The following ARHGAP42 variants were observed in gnomAD, a reference collection of about 807,000 sequenced individuals.
ARHGAP42 encodes the protein rho GTPase-activating protein 42.
ARHGAP42 carries 63 observed loss-of-function variants against 125.0 expected under a neutral mutation model. That is an observed-to-expected ratio of 0.50 (90% CI 0.41 to 0.62). The LOEUF (loss-of-function observed/expected upper bound fraction) is 0.62, where lower values mean the gene tolerates loss of function less well. ARHGAP42 is among the 20% of genes least tolerant of loss of function. The pLI is 0.00. For missense variants in ARHGAP42, 766 were observed against 1,024.2 expected (o/e 0.75, Z 3.44); for synonymous variants, 339 against 351.0 (o/e 0.97, Z 0.38).
chr11:100,756,517 G>A (rs1216557662), intron 1 of ARHGAP42, among the ~76,000 whole-genome samples: 2 of 152,196 alleles, frequency 1.3e-5, no homozygotes, highest in Non-Finnish European at 2.9e-5. Context: ...AAGTTTTGAA[G>A]TAAGCCAAAA....
At chr11:100,721,195 C>T (rs146715590) in intron 1 of ARHGAP42, among the ~76,000 whole-genome samples, 55 of 152,276 alleles carry the variant, frequency 3.6e-4, no homozygotes, top group Non-Finnish European at 4.1e-4. Flanking sequence ...TGTCATGTAT[C>T]TACCTTTGCA....
intron 1 of ARHGAP42, among the ~76,000 whole-genome samples, chr11:100,726,002 C>A (rs1861854856): frequency 1.4e-5 from 2 of 145,036 alleles, no homozygotes; most frequent in Admixed American, 6.9e-5. Context: ...GAAGGCTGAG[C>A]TGGGAGGAGC....
At chr11:100,835,154 A>G (rs1252258651) in intron 3 of ARHGAP42, among the ~76,000 whole-genome samples, 1 of 151,954 alleles carries the variant, frequency 6.6e-6, no homozygotes, top group Non-Finnish European at 1.5e-5. Context: ...AGGCCTTTGG[A>G]TATAAAAGGG....
intron 1 of ARHGAP42, among the ~76,000 whole-genome samples, chr11:100,760,557 C>T (rs886397376): frequency 4.6e-5 from 7 of 151,716 alleles, no homozygotes; most frequent in African/African-American, 1.5e-4. Context: ...AAAAATTAGC[C>T]GGGTGTGGTG....
chr11:100,784,517 A>T (rs943330518), intron 2 of ARHGAP42, among the ~76,000 whole-genome samples: 3 of 152,200 alleles, frequency 2.0e-5, no homozygotes, highest in African/African-American at 7.2e-5. Flanking sequence ...GTGATTGGAT[A>T]TATGGAAGGA....
rs546901157 is a variant in ARHGAP42 at position 100,789,296 on chromosome 11, T to C, written c.251-5809T>C. ...AGATTTTTAAGTTTTCCTAGAGATA[T>C]AACAACATCTAAATTCTTACTGCTG... On this transcript the variant is annotated intron_variant, in intron 2 of 23. Coordinates refer to ENST00000298815, the MANE Select transcript of ARHGAP42 (RefSeq NM_152432.4). Among the ~76,000 whole-genome samples the C allele has an allele frequency of 1.2e-4, 19 of 152,362 alleles. No individual in the cohort carries two copies. The Middle Eastern group carries it at 0.01, about 82-fold the overall frequency.
At chr11:100,847,454 A>G (rs1865098606) in intron 3 of ARHGAP42, among the ~76,000 whole-genome samples, 1 of 152,162 alleles carries the variant, frequency 6.6e-6, no homozygotes, top group South Asian at 2.1e-4. Context: ...CTTTTCTTTA[A>G]GGACCCTTGG....
At chr11:100,915,863 C>G (rs1867048124) in intron 5 of ARHGAP42, among the ~76,000 whole-genome samples, 2 of 152,114 alleles carry the variant, frequency 1.3e-5, no homozygotes, top group South Asian at 4.1e-4. Flanking sequence ...TTCCCCCCTC[C>G]CTTCGCCCCT....
At chr11:100,978,912 C>T in intron 21 of ARHGAP42, 75 bp from the exon 22 acceptor site, 5 of 1,425,708 alleles carry the variant, frequency 3.5e-6, no homozygotes, top group Non-Finnish European at 4.8e-6. Flanking sequence ...GTTTAACTGG[C>T]AATCATGAAT....
At chr11:100,905,447 A>T (rs1007425118) in intron 4 of ARHGAP42, among the ~76,000 whole-genome samples, 1 of 152,172 alleles carries the variant, frequency 6.6e-6, no homozygotes, top group African/African-American at 2.4e-5. Flanking sequence ...CACAACCACT[A>T]CTACTTCAAA....
chr11:100,921,461 C>T (rs1449402216), intron 5 of ARHGAP42, 33 bp from the exon 6 acceptor site: 2 of 1,435,644 alleles, frequency 1.4e-6, no homozygotes, highest in African/African-American at 1.4e-5. Flanking sequence ...TATGTAGAAC[C>T]ATCAGTAATC....
intron 1 of ARHGAP42, among the ~76,000 whole-genome samples, chr11:100,709,603 C>G (rs1411096913): frequency 1.3e-5 from 2 of 152,196 alleles, no homozygotes; most frequent in African/African-American, 2.4e-5. Flanking sequence ...GAAAGCAAAA[C>G]TGGATGAGGC....
chr11:100,799,701 C>A (rs75038895), intron 3 of ARHGAP42, among the ~76,000 whole-genome samples: 1 of 152,072 alleles, frequency 6.6e-6, no homozygotes, highest in South Asian at 2.1e-4. Flanking sequence ...AACTAAGTAC[C>A]ATAGTTATAA....
At chr11:100,838,197 T>C (rs1408688423) in intron 3 of ARHGAP42, among the ~76,000 whole-genome samples, 1 of 151,978 alleles carries the variant, frequency 6.6e-6, no homozygotes, top group Non-Finnish European at 1.5e-5. Context: ...TTCCTGCATT[T>C]TGCGCAGGAA....
At chr11:100,939,186 CTA>C (rs1432218098) in intron 8 of ARHGAP42, among the ~76,000 whole-genome samples, 6 of 152,082 alleles carry the variant, frequency 3.9e-5, no homozygotes, top group Non-Finnish European at 8.8e-5. Flanking sequence ...AGAGTTAGAG[CTA>C]TATTGGGATT....
chr11:100,864,323 T>G (rs1197564010), intron 4 of ARHGAP42, among the ~76,000 whole-genome samples: 1 of 152,042 alleles, frequency 6.6e-6, no homozygotes, highest in Non-Finnish European at 1.5e-5. Context: ...TAGCTGGGAC[T>G]ACAGGCGCCC....
chr11:100,758,543 T>A (rs1862627221), intron 1 of ARHGAP42, among the ~76,000 whole-genome samples: 1 of 152,220 alleles, frequency 6.6e-6, no homozygotes, highest in Non-Finnish European at 1.5e-5. Flanking sequence ...TGTGGCTGCA[T>A]CATAAAATGA....
At chr11:100,880,156 AG>A (rs1865923138) in intron 4 of ARHGAP42, among the ~76,000 whole-genome samples, 1 of 152,102 alleles carries the variant, frequency 6.6e-6, no homozygotes, top group South Asian at 2.1e-4. Flanking sequence ...TGGTTACATG[AG>A]TAAGTTCTTT....
At chr11:100,834,905 A>T (rs1864748608) in intron 3 of ARHGAP42, among the ~76,000 whole-genome samples, 2 of 138,828 alleles carry the variant, frequency 1.4e-5, no homozygotes, top group Admixed American at 7.4e-5. Flanking sequence ...CTTATTTTTG[A>T]TTCTGGAGTG....
Sources: gnomAD v4.1 joint callset for allele counts (sites outside exome capture counted in the v4.1 genomes callset) on GRCh38, gnomAD v4.1.1 for gene constraint, MANE v1.5 for transcripts, NCBI Gene and HGNC (gene_info 2026-07-23, HGNC 2026-07-21) for gene names.